LARGE1: variants seen among roughly 807,000 people sequenced by gnomAD.
LARGE1 encodes the protein xylosyl- and glucuronyltransferase LARGE1.
LARGE1 carries 43 observed loss-of-function variants against 87.6 expected under a neutral mutation model. That is an observed-to-expected ratio of 0.49 (90% CI 0.38 to 0.63). The LOEUF (loss-of-function observed/expected upper bound fraction) is 0.63. Ranked by LOEUF, LARGE1 falls within the 30% of genes least tolerant of loss-of-function variation. The pLI is 0.00. For synonymous variants in LARGE1, 434 were observed against 394.6 expected (o/e 1.10, Z -1.18); for missense variants, 802 against 1,000.2 (o/e 0.80, Z 2.67).
intron 1 of LARGE1, among the ~76,000 whole-genome samples, chr22:33,874,164 G>A (rs1050736757): frequency 6.6e-6 from 1 of 152,034 alleles, no homozygotes; most frequent in Non-Finnish European, 1.5e-5. Flanking sequence ...TGGCTAACTC[G>A]GTCCTTTGTG....
chr22:33,342,945 G>A (rs1036939240), intron 9 of LARGE1, among the ~76,000 whole-genome samples: 23 of 152,310 alleles, frequency 1.5e-4, no homozygotes, highest in African/African-American at 5.5e-4. Context: ...TCAGGACATA[G>A]AATACTCCAT....
intron 1 of LARGE1, among the ~76,000 whole-genome samples, chr22:33,912,234 G>A (rs188591555): frequency 1.8e-4 from 28 of 152,280 alleles, no homozygotes; most frequent in Admixed American, 9.2e-4. Context: ...GGATGGCTTC[G>A]AGTTAGCCGC....
intron 11 of LARGE1, among the ~76,000 whole-genome samples, chr22:33,217,252 A>AT (rs1191238975): frequency 1.3e-5 from 2 of 152,250 alleles, no homozygotes; most frequent in African/African-American, 4.8e-5. Context: ...AAAAAAAAAA[A>AT]AATAACGAGC....
In LARGE1 at chr22:33,435,235, C is replaced by G. The variant is rs118110866; in HGVS notation, c.788-2970G>C. Among the ~76,000 whole-genome samples the G allele has an allele frequency of 4.1e-3, 619 of 152,258 alleles. 3 individuals are homozygous for G. The highest frequency in any genetic ancestry group is 0.037 in the Middle Eastern group (11 of 294). On this transcript the variant is annotated intron_variant, in intron 6 of 14. Coordinates refer to ENST00000397394, the MANE Select transcript of LARGE1 (RefSeq NM_133642.5). ...CAGGCTGATCTCGAACTCCTAACCTCAGGCGATCCTCCCACCGCAGCCTCC... is the reference window on the plus strand; with the variant it reads ...CAGGCTGATCTCGAACTCCTAACCTGAGGCGATCCTCCCACCGCAGCCTCC...
At chr22:33,253,078 T>C (rs569189740) in intron 11 of LARGE1, among the ~76,000 whole-genome samples, 14 of 152,196 alleles carry the variant, frequency 9.2e-5, no homozygotes, top group African/African-American at 2.6e-4. Context: ...AAAGAATTAT[T>C]GAAAGGAGAA....
chr22:33,107,474 G>C, the LARGE1 span, among the ~76,000 whole-genome samples: 40 of 152,130 alleles, frequency 2.6e-4, no homozygotes, highest in Non-Finnish European at 7.3e-5. Context: ...AGACTTGCTG[G>C]AGCCCAGGAG....
Position 33,384,274 on chromosome 22 carries a change from C to T in LARGE1, c.923G>A (p.Arg308Gln), listed in dbSNP as rs773959791. The change falls in exon 8 of 15, where the codon CGG becomes CAG. Residue 308 changes from arginine to glutamine, a missense_variant. Arg to Gln is a conservative substitution (Grantham distance 43, BLOSUM62 1). Around this residue, in one of 2 missense-constraint regions of LARGE1, gnomAD observed 625 missense variants for 841.9 expected, o/e 0.74. Coordinates refer to ENST00000397394, the MANE Select transcript of LARGE1 (RefSeq NM_133642.5). Reference protein sequence around the residue: ...GVILLLLDKLRKMKWEQMWRL... With the variant: ...GVILLLLDKLQKMKWEQMWRL... Reference sequence around the variant, plus strand: ...CCACATCTGCTCCCATTTCATCTTCCGCAGCTTATCCAGAAGTAACAGGAT... The same window carrying T: ...CCACATCTGCTCCCATTTCATCTTCTGCAGCTTATCCAGAAGTAACAGGAT... The T allele has an allele frequency of 4.6e-5, 74 of 1,613,864 alleles. No homozygotes were observed. Among genetic ancestry groups the T allele is most frequent in the Non-Finnish European group, 5.4e-5 (64 of 1,179,994 alleles).
chr22:33,114,412 A>G, the LARGE1 span, among the ~76,000 whole-genome samples: 5 of 152,214 alleles, frequency 3.3e-5, no homozygotes, highest in Non-Finnish European at 5.9e-5. Context: ...TGAGAATTCA[A>G]GGAGCTCACA....
the LARGE1 span, among the ~76,000 whole-genome samples, chr22:33,132,591 TTTTGA>T: frequency 6.7e-6 from 1 of 148,314 alleles, no homozygotes; most frequent in South Asian, 2.2e-4. Context: ...GAGTTTTTAC[TTTTGA>T]TTTATCAGCC....
At chr22:33,149,008 G>A in the LARGE1 span, among the ~76,000 whole-genome samples, 1 of 150,312 alleles carries the variant, frequency 6.7e-6, no homozygotes, top group Non-Finnish European at 1.5e-5. Flanking sequence ...ATTTTTTCCT[G>A]GTTTATGGCT....
At chr22:33,079,981 A>G in the LARGE1 span, among the ~76,000 whole-genome samples, 9 of 152,170 alleles carry the variant, frequency 5.9e-5, no homozygotes, top group African/African-American at 2.2e-4. Flanking sequence ...ACTTGTCCTC[A>G]TTGCCTCCAG....
intron 1 of LARGE1, among the ~76,000 whole-genome samples, chr22:33,785,191 A>G (rs1200422352): frequency 6.7e-6 from 1 of 149,362 alleles, no homozygotes; most frequent in Non-Finnish European, 1.5e-5. Context: ...GTATATACAT[A>G]TATGTGTATA....
intron 6 of LARGE1, among the ~76,000 whole-genome samples, chr22:33,451,847 G>A (rs925543939): frequency 9.2e-5 from 14 of 151,494 alleles, no homozygotes; most frequent in African/African-American, 3.1e-4. Flanking sequence ...GTGAGCCACC[G>A]CCCCCGGCCG....
chr22:33,454,617 A>G (rs1176972533), intron 6 of LARGE1, among the ~76,000 whole-genome samples: 1 of 80,820 alleles, frequency 1.2e-5, no homozygotes, highest in Non-Finnish European at 2.7e-5. Flanking sequence ...GACTCTGTCT[A>G]AAAAAAAAAA....
chr22:33,282,550 C>T (rs1930654667), intron 13 of LARGE1, among the ~76,000 whole-genome samples: 1 of 152,162 alleles, frequency 6.6e-6, no homozygotes, highest in Admixed American at 6.5e-5. Flanking sequence ...ACTCCTGGGA[C>T]ACTGGGGACA....
At chr22:33,553,991 T>G (rs1286501148) in intron 6 of LARGE1, among the ~76,000 whole-genome samples, 3 of 152,096 alleles carry the variant, frequency 2.0e-5, no homozygotes, top group East Asian at 1.9e-4. Flanking sequence ...TCCCACCCAG[T>G]AAGCAGCACA....
the LARGE1 span, among the ~76,000 whole-genome samples, chr22:33,090,496 G>A: frequency 6.6e-6 from 1 of 152,140 alleles, no homozygotes; most frequent in Non-Finnish European, 1.5e-5. Flanking sequence ...GGTTATTTTG[G>A]AGGAAGAGGT....
At chr22:33,121,854 G>T in the LARGE1 span, among the ~76,000 whole-genome samples, 6 of 152,192 alleles carry the variant, frequency 3.9e-5, no homozygotes, top group Non-Finnish European at 2.9e-5. Context: ...GTCTTACATG[G>T]CAGCAGGCAA....
chr22:33,093,000 T>C, the LARGE1 span, among the ~76,000 whole-genome samples: 1 of 152,166 alleles, frequency 6.6e-6, no homozygotes, highest in African/African-American at 2.4e-5. Context: ...GTAATGGAAT[T>C]GCTGGGTCAA....
Sources: gnomAD v4.1 joint callset for allele counts (sites outside exome capture counted in the v4.1 genomes callset) on GRCh38, gnomAD v4.1.1 for gene constraint, gnomAD v4.1.1 regional missense constraint, MANE v1.5 for transcripts, NCBI Gene and HGNC (gene_info 2026-07-23, HGNC 2026-07-21) for gene names.